RORA: variants seen among roughly 807,000 people sequenced by gnomAD.
RORA encodes RAR related orphan receptor A.
RORA carries 7 observed loss-of-function variants against 69.5 expected under a neutral mutation model. The ratio of observed to expected loss-of-function variants is 0.10; its 90% confidence interval spans 0.06 to 0.19. The LOEUF (loss-of-function observed/expected upper bound fraction) is 0.19, where lower values mean the gene tolerates loss of function less well. Ranked by LOEUF, RORA falls within the 10% of genes least tolerant of loss-of-function variation. The pLI is 1.00. For synonymous variants in RORA, 261 were observed against 240.8 expected, an observed-to-expected ratio of 1.08 and a Z score of -0.78; for missense variants, 457 against 663.0, an observed-to-expected ratio of 0.69 and a Z score of 3.41.
chr15:61,138,699 C>T (rs1264429211), intron 1 of RORA, among the ~76,000 whole-genome samples: 1 of 151,980 alleles, frequency 6.6e-6, no homozygotes, highest in Non-Finnish European at 1.5e-5. Flanking sequence ...TTCTGTGGAA[C>T]GTCTGTGCCC....
chr15:60,912,974 G>A (rs924429199), intron 1 of RORA, among the ~76,000 whole-genome samples: 1 of 152,154 alleles, frequency 6.6e-6, no homozygotes, highest in East Asian at 1.9e-4. Flanking sequence ...GTATAGAGTA[G>A]TACAACCATT....
intron 1 of RORA, among the ~76,000 whole-genome samples, chr15:60,862,154 T>G (rs1175052274): frequency 2.0e-5 from 3 of 152,232 alleles, no homozygotes; most frequent in African/African-American, 7.2e-5. Flanking sequence ...ACCCACCTTT[T>G]TCCTCCTTTA....
chr15:60,533,669 G>T (rs951883533), intron 2 of RORA, among the ~76,000 whole-genome samples: 4 of 152,184 alleles, frequency 2.6e-5, no homozygotes, highest in Non-Finnish European at 5.9e-5. Flanking sequence ...GGTGCTATCA[G>T]CTGAGAGTTA....
chr15:60,671,111 G>T (rs953713479), intron 2 of RORA, among the ~76,000 whole-genome samples: 1 of 113,420 alleles, frequency 8.8e-6, no homozygotes, highest in African/African-American at 4.9e-5. Context: ...TTTCCTGAGC[G>T]TTCTGTTAGC....
rs931594030 is a variant in RORA at position 60,628,180 on chromosome 15, C to T, written c.196+50477G>A. Among the ~76,000 whole-genome samples, 8 of 152,174 alleles carry T rather than the reference C, an allele frequency of 5.3e-5. No homozygotes were observed. The East Asian group carries it at 7.7e-4, about 15-fold the overall frequency. On this transcript the variant is annotated intron_variant, in intron 2 of 10. Coordinates refer to ENST00000335670, the MANE Select transcript of RORA (RefSeq NM_134261.3). ...CCTCTTCCTGTTGCAGGATCCCATC[C>T]GATCTCACATTATGTTTAGCTGTCA...
In RORA at chr15:60,511,661, T is replaced by G; in HGVS notation, c.425-40A>C. On this transcript the variant is annotated intron_variant, in intron 4 of 10. Transcript: ENST00000335670. This position sits in a 1 kb window ranked among gnomAD's most constrained non-coding sequence, Gnocchi z 6.4. ...CCAAACCATACTACATACAATGCGC[T>G]TTTCTTCAATATTCTCTCCTGCGAG... 6.5e-7 allele frequency: 1 copy of G among 1,543,006 alleles called. No individual in the cohort carries two copies. The highest frequency in any genetic ancestry group is 8.7e-7 in the Non-Finnish European group (1 of 1,146,698).
At chr15:60,587,885 T>C (rs939915632) in intron 2 of RORA, among the ~76,000 whole-genome samples, 8 of 152,214 alleles carry the variant, frequency 5.3e-5, no homozygotes, top group Admixed American at 1.3e-4. Flanking sequence ...GCCCATTGGA[T>C]AGTATATGCT....
intron 2 of RORA, among the ~76,000 whole-genome samples, chr15:60,649,140 A>C (rs1020538748): frequency 6.6e-6 from 1 of 151,944 alleles, no homozygotes; most frequent in African/African-American, 2.4e-5. Flanking sequence ...TGTTCAGATG[A>C]GGGCCCTTCT....
At chr15:60,876,459 T>A (rs2073617181) in intron 1 of RORA, among the ~76,000 whole-genome samples, 1 of 152,186 alleles carries the variant, frequency 6.6e-6, no homozygotes, top group African/African-American at 2.4e-5. Context: ...CCAAAGATAA[T>A]GTTCTCTTTG....
At chr15:60,680,091 C>T (rs1408080545) in intron 1 of RORA, among the ~76,000 whole-genome samples, 1 of 152,202 alleles carries the variant, frequency 6.6e-6, no homozygotes, top group East Asian at 1.9e-4. Flanking sequence ...CTTCCCCCAG[C>T]AGCAGCAGGG....
chr15:61,175,756 C>A (rs950966793), intron 1 of RORA, among the ~76,000 whole-genome samples: 1 of 152,024 alleles, frequency 6.6e-6, no homozygotes, highest in Non-Finnish European at 1.5e-5. Context: ...TGAGGCTCAC[C>A]AAAGTTATGT....
chr15:60,718,334 T>G (rs2071247077), intron 1 of RORA, among the ~76,000 whole-genome samples: 1 of 152,156 alleles, frequency 6.6e-6, no homozygotes, highest in Non-Finnish European at 1.5e-5. Flanking sequence ...CTGCCAACAT[T>G]CTAAAGGTGG....
At chr15:60,935,942 T>C (rs1892507110) in intron 1 of RORA, among the ~76,000 whole-genome samples, 1 of 152,224 alleles carries the variant, frequency 6.6e-6, no homozygotes, top group Non-Finnish European at 1.5e-5. Flanking sequence ...CAAAATAAGT[T>C]TGAGCCCAAA....
intron 1 of RORA, among the ~76,000 whole-genome samples, chr15:61,208,295 C>T (rs1466984875): frequency 6.6e-6 from 1 of 152,206 alleles, no homozygotes; most frequent in Non-Finnish European, 1.5e-5. Flanking sequence ...TGAAAGGAGG[C>T]AGACACAGAA....
rs925266935 is a variant in RORA, at chr15:60,495,036, A to G, written c.*2419T>C. ...GAAAGCTTTGGTTAAAAAGAAGTTA[A>G]TATACTTTAATAAAACCATCCCCAA... On this transcript the variant is annotated 3_prime_UTR_variant, in exon 11 of 11. Transcript: ENST00000335670. The G allele has an allele frequency of 6.6e-6, 1 of 152,244 alleles. No individual in the cohort carries two copies. The highest frequency in any genetic ancestry group is 6.5e-5 in the Admixed American group (1 of 15,286). The allele number at this position is 152,244 out of a possible 1,614,324, so 9.4% of individuals were successfully genotyped here. A position where few individuals can be genotyped will look rare whatever the true frequency, so the allele number is the denominator to read the frequency against.
chr15:61,214,989 C>G (rs1158088306), intron 1 of RORA, among the ~76,000 whole-genome samples: 1 of 150,568 alleles, frequency 6.6e-6, no homozygotes, highest in East Asian at 1.9e-4. Context: ...CTCAGCCTCC[C>G]GAGTAGCTGG....
At chr15:61,124,779 C>T (rs2079129919) in intron 1 of RORA, among the ~76,000 whole-genome samples, 1 of 152,298 alleles carries the variant, frequency 6.6e-6, no homozygotes, top group East Asian at 1.9e-4. Context: ...GACTGAACCC[C>T]TCTCTGAGCC....
intron 1 of RORA, among the ~76,000 whole-genome samples, chr15:61,221,763 T>C (rs948939110): frequency 1.3e-5 from 2 of 152,178 alleles, no homozygotes; most frequent in Non-Finnish European, 2.9e-5. Context: ...TTGAGGATCC[T>C]ATACTAAGTG....
At chr15:60,956,540 C>T (rs1228864128) in intron 1 of RORA, among the ~76,000 whole-genome samples, 3 of 152,212 alleles carry the variant, frequency 2.0e-5, no homozygotes, top group Non-Finnish European at 4.4e-5. Flanking sequence ...CACCCAGGTT[C>T]AAACCATGTC....
Sources: allele counts gnomAD v4.1 joint callset (sites outside exome capture counted in the v4.1 genomes callset), GRCh38; gene constraint gnomAD v4.1.1; non-coding constraint Gnocchi (gnomAD v3.1); transcripts MANE v1.5; gene names NCBI Gene and HGNC (gene_info 2026-07-23, HGNC 2026-07-21).